The following KLC2 variants were observed in gnomAD, a reference collection of about 807,000 sequenced individuals.
KLC2 encodes KLC 2.
In KLC2, 35 loss-of-function variants were observed where a neutral mutation model predicts 75.1. The ratio of observed to expected loss-of-function variants is 0.47; its 90% CI spans 0.36 to 0.62. KLC2 has a LOEUF of 0.62. Ranked by LOEUF, KLC2 falls within the 20% of genes least tolerant of loss-of-function variation. KLC2 has a pLI of 0.00. For synonymous variants in KLC2, 314 were observed against 336.7 expected, an observed-to-expected ratio of 0.93 and a Z score of 0.74; for missense variants, 611 against 833.2, an observed-to-expected ratio of 0.73 and a Z score of 3.28.
rs774696543 is a variant in KLC2, at chr11:66,265,238, G to A, written c.1334+3G>A. On this transcript the variant is annotated splice_donor_region_variant and intron_variant, in intron 11 of 15. Transcript: ENST00000394067. ...TACAAGGCCTGTAAAGTAGACAGGT[G>A]AGTGGGGCGGGGCTGGGCTGGGGAG... The A allele has an allele frequency of 7.9e-6, 12 of 1,511,646 alleles. No homozygotes were observed. In the Admixed American group the frequency reaches 1.0e-4, roughly 13 times the overall value. The allele number at this position is 1,511,646 out of a possible 1,614,324, so 93.6% of individuals were successfully genotyped here. A position where few individuals can be genotyped will look rare whatever the true frequency, so the allele number is the denominator to read the frequency against.
chr11:66,254,202 A>C (rs1314805385), upstream of KLC2, among the ~76,000 whole-genome samples: 1 of 152,172 alleles, frequency 6.6e-6, no homozygotes, highest in Admixed American at 6.5e-5. Flanking sequence ...TGCCTGGGGA[A>C]CACAGCAAGG....
At chr11:66,251,981 G>C in the KLC2 span, among the ~76,000 whole-genome samples, 6 of 152,192 alleles carry the variant, frequency 3.9e-5, no homozygotes, top group Non-Finnish European at 1.5e-5. Flanking sequence ...GGGGAGAGGT[G>C]AGCTCATCCC....
chr11:66,263,838 C>A lies in KLC2; in HGVS notation c.841-13C>A. On this transcript the variant is annotated splice_polypyrimidine_tract_variant and intron_variant, in intron 6 of 15. Coordinates refer to ENST00000394067, the MANE Select transcript of KLC2 (RefSeq NM_001318734.2). ...GGGCCTGAGTCAAGAAGCTTCCGTT[C>A]TCCCACCTCCAGGTGGCTGCGACAC... The A allele has an allele frequency of 6.2e-7, 1 of 1,612,442 alleles. No homozygotes were observed. Among genetic ancestry groups the A allele is most frequent in the Non-Finnish European group, 8.5e-7 (1 of 1,178,436 alleles).
chr11:66,260,043 C>G (rs1856281810), intron 2 of KLC2, among the ~76,000 whole-genome samples: 1 of 152,150 alleles, frequency 6.6e-6, no homozygotes, highest in Non-Finnish European at 1.5e-5. Context: ...TTTTATTCCC[C>G]TCAGAGCTTG....
rs958410481 is a variant in KLC2, at chr11:66,262,919, G to A, written c.635G>A (p.Gly212Asp). ...HNLVIQYASQGRYEVAVPLCK... is the reference protein window; with the variant it reads ...HNLVIQYASQDRYEVAVPLCK... Reference sequence around the variant, plus strand: ...CTGGTGATCCAATACGCCTCACAGGGCCGCTACGAGGTAGCTGTGCCACTC... The same window carrying A: ...CTGGTGATCCAATACGCCTCACAGGACCGCTACGAGGTAGCTGTGCCACTC... The change falls in exon 5 of 16, where the codon GGC (glycine) becomes GAC (aspartate). Residue 212 changes from glycine (G) to aspartate (D), a missense_variant. Physicochemically the swap from Gly to Asp is moderately conservative, Grantham distance 94. Coordinates refer to ENST00000394067, the MANE Select transcript of KLC2 (RefSeq NM_001318734.2). The A allele has an allele frequency of 6.2e-7, 1 of 1,613,898 alleles. No homozygotes were observed. Among genetic ancestry groups the A allele is most frequent in the Middle Eastern group, 1.6e-4 (1 of 6,062 alleles).
the KLC2 span, among the ~76,000 whole-genome samples, chr11:66,247,118 C>T: frequency 0.017 from 2,552 of 152,306 alleles, 35 homozygotes; most frequent in Non-Finnish European, 0.027. Context: ...GAATCCTCCT[C>T]GATTCCTGTT....
chr11:66,246,673 A>G, the KLC2 span, among the ~76,000 whole-genome samples: 3 of 152,082 alleles, frequency 2.0e-5, no homozygotes, highest in Non-Finnish European at 4.4e-5. Flanking sequence ...CCTTAGAGCA[A>G]AACTCTTCCA....
chr11:66,249,357 G>GCAGCC, the KLC2 span, among the ~76,000 whole-genome samples: 47 of 152,344 alleles, frequency 3.1e-4, 2 homozygotes, highest in African/African-American at 1.1e-3. Flanking sequence ...AGTTGCTGGT[G>GCAGCC]CAGCCCACAC....
At chr11:66,255,914 C>T (rs1285703668), upstream of KLC2, among the ~76,000 whole-genome samples, 5 of 151,952 alleles carry the variant, frequency 3.3e-5, no homozygotes, top group South Asian at 2.1e-4. Flanking sequence ...TACAGGCGTG[C>T]GCCACCACGC....
intron 3 of KLC2, 26 bp from the exon 4 acceptor site, chr11:66,262,097 G>A (rs369947993): frequency 4.7e-5 from 76 of 1,610,434 alleles, no homozygotes; most frequent in Non-Finnish European, 6.4e-5. Context: ...CTCCTTCCCT[G>A]ATGCTCATCC....
chr11:66,265,334 T>A, intron 11 of KLC2, 99 bp downstream of exon 11: 1 of 1,057,466 alleles, frequency 9.5e-7, no homozygotes, highest in African/African-American at 1.6e-5. Flanking sequence ...GCTGCTCATC[T>A]GGCAAGGCCC....
upstream of KLC2, among the ~76,000 whole-genome samples, chr11:66,252,785 CAAGG>C (rs1855974826): frequency 6.6e-6 from 1 of 152,070 alleles, no homozygotes; most frequent in African/African-American, 2.4e-5. Context: ...TGGGAGGTCA[CAAGG>C]AAGAGAGGGT....
In KLC2 at chr11:66,267,184, C is replaced by T. The variant is rs535585703; in HGVS notation, c.*228C>T. 5.4e-5 allele frequency: 83 copies of T among 1,549,516 alleles called. No homozygotes were observed. The Admixed American group carries it at 1.3e-3, about 25-fold the overall frequency. On this transcript the variant is annotated 3_prime_UTR_variant, in exon 16 of 16. Coordinates refer to ENST00000394067, the MANE Select transcript of KLC2 (RefSeq NM_001318734.2). ...TATTCCTTCCAGCAGGGCCCTCTTCCCTAGGTTCGGGCCAGCAGGAGGTGC... is the reference window on the plus strand; with the variant it reads ...TATTCCTTCCAGCAGGGCCCTCTTCTCTAGGTTCGGGCCAGCAGGAGGTGC...
rs759389235 is a variant in KLC2 at position 66,264,122 on chromosome 11, C to G, written c.1019C>G (p.Ala340Gly). 8 of 1,599,762 alleles carry G rather than the reference C, an allele frequency of 5.0e-6. No homozygotes were observed. The African/African-American group carries it at 8.1e-5, about 16-fold the overall frequency. Reference protein sequence around the residue: ...LALLCQNQGKAEEVEYYYRRA... With the variant: ...LALLCQNQGKGEEVEYYYRRA... ...CTGCTGTGCCAGAACCAGGGCAAAGCTGAGGAGGTGGAATATTACTATCGG... is the reference window on the plus strand; with the variant it reads ...CTGCTGTGCCAGAACCAGGGCAAAGGTGAGGAGGTGGAATATTACTATCGG... Residue 340 changes from alanine (A) to glycine (G), a missense_variant, in exon 8 of 16, where the codon GCT becomes GGT. Physicochemically the swap from Ala to Gly is moderately conservative, Grantham distance 60 (BLOSUM62 0). Coordinates refer to ENST00000394067, the MANE Select transcript of KLC2 (RefSeq NM_001318734.2).
intron 12 of KLC2, 25 bp from the exon 13 acceptor site, chr11:66,265,829 C>A: frequency 2.5e-6 from 4 of 1,587,562 alleles, no homozygotes; most frequent in Non-Finnish European, 2.6e-6. Flanking sequence ...CCATTCACTG[C>A]CTGATGCCCC....
In KLC2 at chr11:66,267,657, A is replaced by G. The variant is rs1423410355; in HGVS notation, c.*701A>G. ...CCCGGCCTTATGCACTGCCCCTCCC[A>G]CCCGGCCCCGCCCAGGCACGGCCGA... On this transcript the variant is annotated 3_prime_UTR_variant, in exon 16 of 16. Transcript: ENST00000394067. 16 of 260,252 alleles carry G rather than the reference A, an allele frequency of 6.1e-5. No individual in the cohort carries two copies. Among genetic ancestry groups the G allele is most frequent in the South Asian group, 8.8e-5 (2 of 22,684 alleles). The allele number at this position is 260,252 out of a possible 1,614,324, so 16.1% of individuals were successfully genotyped here.
chr11:66,260,427 G>T (rs1856312599), intron 2 of KLC2, among the ~76,000 whole-genome samples: 1 of 152,158 alleles, frequency 6.6e-6, no homozygotes, highest in South Asian at 2.1e-4. Context: ...AAAGTGGGAG[G>T]TGTGACTAGC....
chr11:66,267,121 G>C lies in KLC2; in HGVS notation c.*165G>C. On this transcript the variant is annotated 3_prime_UTR_variant, in exon 16 of 16. Coordinates refer to ENST00000394067, the MANE Select transcript of KLC2 (RefSeq NM_001318734.2). ...CCCTTGTCATCTCAGCCTGAGCCCTGGAGGCTGGGCCTGCCCACTCCAGCT... is the reference window on the plus strand; with the variant it reads ...CCCTTGTCATCTCAGCCTGAGCCCTCGAGGCTGGGCCTGCCCACTCCAGCT... 6.5e-7 allele frequency: 1 copy of C among 1,530,258 alleles called. No individual in the cohort carries two copies. The highest frequency in any genetic ancestry group is 8.8e-7 in the Non-Finnish European group (1 of 1,135,126). 94.8% of individuals were successfully genotyped at this position (1,530,258 alleles called of 1,614,324 possible).
chr11:66,265,687 G>A lies in KLC2; in HGVS notation c.1367G>A (p.Gly456Glu), dbSNP rs768690526. ...PTVNTTLRSL[G>E]ALYRRQGKLE... The stretch of plus-strand genomic sequence containing the variant: ...GTCAACACCACCCTGCGCAGCTTGG[G>A]GGCCCTATACCGGCGCCAGGGCAAG... Residue 456 changes from glycine to glutamate, a missense_variant, in exon 12 of 16, where the codon GGG (glycine) becomes GAG (glutamate). Coordinates refer to ENST00000394067, the MANE Select transcript of KLC2 (RefSeq NM_001318734.2). 1.2e-6 allele frequency: 2 copies of A among 1,613,862 alleles called. No individual in the cohort carries two copies. The highest frequency in any genetic ancestry group is 1.7e-6 in the Non-Finnish European group (2 of 1,179,922).
Sources: gnomAD v4.1 joint callset for allele counts (sites outside exome capture counted in the v4.1 genomes callset) on GRCh38, gnomAD v4.1.1 for gene constraint, MANE v1.5 for transcripts, NCBI Gene and HGNC (gene_info 2026-07-23, HGNC 2026-07-21) for gene names.